The following POU6F2 variants were observed in gnomAD, a reference collection of about 807,000 sequenced individuals.
POU6F2 encodes the protein POU domain, class 6, transcription factor 2.
POU6F2 carries 31 observed loss-of-function variants against 71.3 expected under a neutral mutation model. The ratio of observed to expected loss-of-function variants is 0.43; its 90% confidence interval spans 0.33 to 0.59. The LOEUF (loss-of-function observed/expected upper bound fraction) is 0.59. Ranked by LOEUF, POU6F2 falls within the 20% of genes least tolerant of loss-of-function variation. The pLI, the probability that POU6F2 is intolerant of heterozygous loss-of-function variation, is 0.04. For missense variants in POU6F2, 783 were observed against 856.8 expected, an observed-to-expected ratio of 0.91 and a Z score of 1.07; for synonymous variants, 347 against 355.7, an observed-to-expected ratio of 0.98 and a Z score of 0.27.
intron 4 of POU6F2, among the ~76,000 whole-genome samples, chr7:39,262,266 T>G (rs1390607798): frequency 1.3e-5 from 2 of 152,150 alleles, no homozygotes; most frequent in Admixed American, 6.6e-5. Context: ...CTGGCAACTG[T>G]CAAACATGGG....
At chr7:39,156,015 C>T (rs924979968) in intron 2 of POU6F2, among the ~76,000 whole-genome samples, 1 of 152,086 alleles carries the variant, frequency 6.6e-6, no homozygotes, top group African/African-American at 2.4e-5. Flanking sequence ...CATTATTTTT[C>T]ATATTAAATA....
chr7:39,056,644 C>CTT (rs142917727), intron 1 of POU6F2, among the ~76,000 whole-genome samples: 17 of 142,230 alleles, frequency 1.2e-4, no homozygotes, highest in Admixed American at 4.4e-4. Flanking sequence ...CTCTCTTTCT[C>CTT]TTTTTCTCTC....
At chr7:39,395,949 A>G (rs1179568457) in intron 5 of POU6F2, among the ~76,000 whole-genome samples, 3 of 152,214 alleles carry the variant, frequency 2.0e-5, no homozygotes, top group African/African-American at 7.2e-5. Context: ...AAAAAACAAA[A>G]CCAGAAAGAG....
intron 1 of POU6F2, among the ~76,000 whole-genome samples, chr7:39,061,126 C>T (rs556787241): frequency 6.6e-6 from 1 of 151,684 alleles, no homozygotes; most frequent in African/African-American, 2.4e-5. Context: ...TTATATTTTC[C>T]AAATAAAATA....
At chr7:39,405,916 A>G (rs1311947519) in intron 5 of POU6F2, 1 of 152,260 alleles carries the variant, frequency 6.6e-6, no homozygotes, top group African/African-American at 2.4e-5. Flanking sequence ...TACAACAGCA[A>G]GCAGTTGTCA....
In POU6F2 at chr7:39,413,144, C is replaced by T. The variant is rs113781633; in HGVS notation, c.1113+6404C>T. Reference sequence around the variant, plus strand: ...AAAAGAAACAGAGGGATAGGAGCCGCGGGAAGCAGCCACAAAAAAAATAAT... The same window carrying T: ...AAAAGAAACAGAGGGATAGGAGCCGTGGGAAGCAGCCACAAAAAAAATAAT... On this transcript the variant is annotated intron_variant, in intron 6 of 9. Coordinates refer to ENST00000518318, the MANE Select transcript of POU6F2 (RefSeq NM_001370959.1). Among the ~76,000 whole-genome samples the T allele has an allele frequency of 2.1e-3, 313 of 150,984 alleles. 2 individuals are homozygous for T. Among genetic ancestry groups the T allele is most frequent in the African/African-American group, 7.0e-3 (290 of 41,220 alleles).
chr7:39,219,506 C>T (rs539625859), intron 4 of POU6F2, among the ~76,000 whole-genome samples: 1 of 152,112 alleles, frequency 6.6e-6, no homozygotes, highest in African/African-American at 2.4e-5. Context: ...ATGTTTAGAT[C>T]TGGTGCTATA....
chr7:39,445,004 T>G (rs188060203), intron 7 of POU6F2, among the ~76,000 whole-genome samples: 3 of 152,302 alleles, frequency 2.0e-5, no homozygotes, highest in Non-Finnish European at 4.4e-5. Context: ...CTATAATACT[T>G]GGAGACTACC....
At chr7:39,073,396 CCTT>C (rs1790928736) in intron 1 of POU6F2, among the ~76,000 whole-genome samples, 1 of 142,512 alleles carries the variant, frequency 7.0e-6, no homozygotes. Flanking sequence ...AAAAAAAAAA[CCTT>C]CTAGTTCATG....
chr7:39,099,602 G>A (rs1791527409), intron 2 of POU6F2, among the ~76,000 whole-genome samples: 1 of 152,208 alleles, frequency 6.6e-6, no homozygotes. Flanking sequence ...AAATGGTGCT[G>A]CAGAACGATG....
At chr7:39,149,038 AGAGG>A (rs1476993359) in intron 2 of POU6F2, among the ~76,000 whole-genome samples, 1 of 152,152 alleles carries the variant, frequency 6.6e-6, no homozygotes, top group African/African-American at 2.4e-5. Flanking sequence ...AAGATCCAGG[AGAGG>A]GAGGGAGGGG....
intron 5 of POU6F2, among the ~76,000 whole-genome samples, chr7:39,342,163 T>A (rs945018497): frequency 2.0e-5 from 3 of 147,580 alleles, no homozygotes; most frequent in Non-Finnish European, 4.5e-5. Context: ...GCTACAAATT[T>A]TTTTTAAAAC....
At chr7:39,017,845 T>C (rs1380098030) in intron 1 of POU6F2, among the ~76,000 whole-genome samples, 1 of 149,554 alleles carries the variant, frequency 6.7e-6, no homozygotes, top group Non-Finnish European at 1.5e-5. Context: ...TGTGTGTGAT[T>C]TGAGTGGATT....
At chr7:39,264,159 C>T (rs1784198326) in intron 4 of POU6F2, among the ~76,000 whole-genome samples, 1 of 152,222 alleles carries the variant, frequency 6.6e-6, no homozygotes, top group African/African-American at 2.4e-5. Context: ...AGCTTCCCCA[C>T]TTCTACCTGG....
At chr7:39,440,596 C>G (rs1463966445) in intron 7 of POU6F2, among the ~76,000 whole-genome samples, 2 of 152,160 alleles carry the variant, frequency 1.3e-5, no homozygotes, top group Non-Finnish European at 2.9e-5. Flanking sequence ...AACCTTTTAT[C>G]AAGGTTCTTA....
At chr7:39,239,307 T>C (rs949019877) in intron 4 of POU6F2, among the ~76,000 whole-genome samples, 1 of 149,322 alleles carries the variant, frequency 6.7e-6, no homozygotes, top group African/African-American at 2.5e-5. Flanking sequence ...TAGGTTTAAA[T>C]TTCCTTATCT....
At chr7:39,294,819 C>T (rs1784818156) in intron 4 of POU6F2, among the ~76,000 whole-genome samples, 1 of 152,132 alleles carries the variant, frequency 6.6e-6, no homozygotes, top group African/African-American at 2.4e-5. Flanking sequence ...CCTCCCACCT[C>T]AAGATTGACT....
chr7:39,278,628 T>C (rs4723838), intron 4 of POU6F2, among the ~76,000 whole-genome samples: 73,610 of 151,660 alleles, frequency 0.49, 19,215 homozygotes, highest in East Asian at 0.69. Context: ...GTCCCACCCC[T>C]GTGTAAGGGC....
chr7:39,208,255 C>T (rs1199037613), intron 4 of POU6F2, among the ~76,000 whole-genome samples: 1 of 152,126 alleles, frequency 6.6e-6, no homozygotes, highest in Non-Finnish European at 1.5e-5. Context: ...AAGGTTTTGA[C>T]TTTTCTTTAA....
Sources: allele counts gnomAD v4.1 joint callset (sites outside exome capture counted in the v4.1 genomes callset), GRCh38; gene constraint gnomAD v4.1.1; transcripts MANE v1.5; gene names NCBI Gene and HGNC (gene_info 2026-07-23, HGNC 2026-07-21).